ADIPOR2: variants seen among roughly 807,000 people sequenced by gnomAD.
The protein encoded by ADIPOR2 is adiponectin receptor 2.
In ADIPOR2, 18 loss-of-function variants were observed where a neutral mutation model predicts 40.9. The ratio of observed to expected loss-of-function variants is 0.44; its 90% CI spans 0.30 to 0.65. The LOEUF (loss-of-function observed/expected upper bound fraction) is 0.65, where lower values mean the gene tolerates loss of function less well. Ranked by LOEUF, ADIPOR2 falls within the 30% of genes least tolerant of loss-of-function variation. The probability of loss-of-function intolerance (pLI) is 0.09; values close to 1 mark genes in which losing one functional copy is unlikely to be tolerated. For missense variants in ADIPOR2, 283 were observed against 479.2 expected, an observed-to-expected ratio of 0.59 and a Z score of 3.82; for synonymous variants, 165 against 166.4, an observed-to-expected ratio of 0.99 and a Z score of 0.06.
chr12:1,695,484 C>CA (rs2094636570), intron 1 of ADIPOR2, among the ~76,000 whole-genome samples: 1 of 151,248 alleles, frequency 6.6e-6, no homozygotes, highest in Admixed American at 6.6e-5. Context: ...ATGAAACCCC[C>CA]TCTCTACCAA....
At chr12:1,730,548 C>T (rs191733969) in intron 1 of ADIPOR2, among the ~76,000 whole-genome samples, 85 of 143,746 alleles carry the variant, frequency 5.9e-4, no homozygotes, top group Middle Eastern at 3.6e-3. Flanking sequence ...ACCCAGGAGG[C>T]GGAGCTTGCA....
rs1015442886 is a variant in ADIPOR2 at position 1,764,439 on chromosome 12, G to GT, written c.172-8399dup. Among the ~76,000 whole-genome samples, 12 of 152,008 alleles carry GT rather than the reference G, an allele frequency of 7.9e-5. 1 individual carries two copies. Among genetic ancestry groups the GT allele is most frequent in the African/African-American group, 2.7e-4 (11 of 41,378 alleles). ...AGTTTGGTAAAAGGAAAAAAGCAGG[G>GT]TTTTGTACTCAGAGTGACCTAAATT... On this transcript the variant is annotated intron_variant, in intron 2 of 7. Transcript: ENST00000357103.
At chr12:1,736,563 C>G (rs562918672) in intron 1 of ADIPOR2, among the ~76,000 whole-genome samples, 59 of 152,328 alleles carry the variant, frequency 3.9e-4, no homozygotes, top group African/African-American at 1.4e-3. Context: ...AGAAAACCAG[C>G]TCCTGGATTC....
intron 1 of ADIPOR2, among the ~76,000 whole-genome samples, chr12:1,741,943 T>C (rs2094743679): frequency 6.6e-6 from 1 of 151,946 alleles, no homozygotes; most frequent in Non-Finnish European, 1.5e-5. Flanking sequence ...TTCTTGAAAA[T>C]TTGAACTATA....
chr12:1,754,368 T>C lies in ADIPOR2; in HGVS notation c.25T>C (p.Leu9=), dbSNP rs759506029. The part of the protein sequence containing the change: MNEPTENR[L]GCSRTPEPDI... ...CATGAACGAGCCAACAGAAAACCGA[T>C]TGGGGTGCAGCAGGACTCCAGAGCC... The change falls in exon 2 of 8, where the codon TTG becomes CTG. Residue 9 remains leucine (L), a synonymous_variant. Coordinates refer to ENST00000357103, the MANE Select transcript of ADIPOR2 (RefSeq NM_024551.3). 43 of 1,608,724 alleles carry C rather than the reference T, an allele frequency of 2.7e-5. No individual in the cohort carries two copies. The highest frequency in any genetic ancestry group is 1.2e-4 in the South Asian group (11 of 89,906).
chr12:1,748,005 T>A (rs982588251), intron 1 of ADIPOR2, among the ~76,000 whole-genome samples: 20 of 152,264 alleles, frequency 1.3e-4, no homozygotes, highest in African/African-American at 4.8e-4. Context: ...TCTTTGAATT[T>A]TTTTTCCCCT....
At chr12:1,754,129 T>C (rs749311408) in intron 1 of ADIPOR2, 129 bp from the exon 2 acceptor site, 12 of 402,036 alleles carry the variant, frequency 3.0e-5, no homozygotes, top group South Asian at 1.1e-4. Flanking sequence ...TCAACAAATA[T>C]AGCTTTTAAG....
At chr12:1,754,730 T>TACTACA (rs1862083446) in intron 2 of ADIPOR2, among the ~76,000 whole-genome samples, 1 of 142,482 alleles carries the variant, frequency 7.0e-6, no homozygotes, top group African/African-American at 2.5e-5. Context: ...CTACTACTAC[T>TACTACA]ACTACTACTA....
At chr12:1,777,757 A>G (rs1469729673) in intron 3 of ADIPOR2, 97 bp from the exon 4 acceptor site, 9 of 1,164,466 alleles carry the variant, frequency 7.7e-6, no homozygotes, top group African/African-American at 1.6e-5. Context: ...TGTTTTTCCC[A>G]TTATAAAACA....
chr12:1,769,963 G>T (rs1272737923), intron 2 of ADIPOR2, among the ~76,000 whole-genome samples: 3 of 151,598 alleles, frequency 2.0e-5, no homozygotes, highest in Non-Finnish European at 4.4e-5. Context: ...TGTTGCCCAG[G>T]CTGGAATGCA....
chr12:1,764,620 A>G (rs1862337553), intron 2 of ADIPOR2, among the ~76,000 whole-genome samples: 1 of 151,456 alleles, frequency 6.6e-6, no homozygotes, highest in African/African-American at 2.4e-5. Flanking sequence ...ATAGTCTGAT[A>G]AACTTTTATA....
At chr12:1,700,373 G>A (rs1272588064) in intron 1 of ADIPOR2, among the ~76,000 whole-genome samples, 1 of 152,182 alleles carries the variant, frequency 6.6e-6, no homozygotes, top group African/African-American at 2.4e-5. Context: ...TTTGGTTAAG[G>A]AGGATGTCTT....
chr12:1,694,555 G>A (rs2094634070), intron 1 of ADIPOR2, among the ~76,000 whole-genome samples: 1 of 152,112 alleles, frequency 6.6e-6, no homozygotes, highest in Non-Finnish European at 1.5e-5. Context: ...AAAAAAGTCT[G>A]CATGTTTCAA....
chr12:1,737,918 C>T (rs1239854936), intron 1 of ADIPOR2, among the ~76,000 whole-genome samples: 1 of 152,070 alleles, frequency 6.6e-6, no homozygotes, highest in Non-Finnish European at 1.5e-5. Context: ...AGATTTTGTC[C>T]ATTACTTATT....
At chr12:1,728,596 C>T (rs1416000769) in intron 1 of ADIPOR2, among the ~76,000 whole-genome samples, 2 of 151,628 alleles carry the variant, frequency 1.3e-5, no homozygotes, top group Admixed American at 6.6e-5. Flanking sequence ...TGGTGGTGGG[C>T]GCCTGTAATC....
At chr12:1,692,526 G>A (rs1039128575) in intron 1 of ADIPOR2, among the ~76,000 whole-genome samples, 2 of 152,138 alleles carry the variant, frequency 1.3e-5, no homozygotes, top group Non-Finnish European at 2.9e-5. Flanking sequence ...ACTTCTGATT[G>A]TAACTGTCTG....
At chr12:1,766,296 ATT>A (rs1862378996) in intron 2 of ADIPOR2, among the ~76,000 whole-genome samples, 1 of 152,184 alleles carries the variant, frequency 6.6e-6, no homozygotes, top group South Asian at 2.1e-4. Context: ...GCTAATGTTT[ATT>A]GAGTACACAC....
intron 4 of ADIPOR2, 42 bp from the exon 5 acceptor site, chr12:1,780,409 A>G (rs1862690657): frequency 2.0e-6 from 3 of 1,524,450 alleles, no homozygotes; most frequent in South Asian, 2.6e-5. Context: ...TGTCTCTTCT[A>G]AAGGGTGATA....
At chr12:1,757,391 T>G (rs1332907038) in intron 2 of ADIPOR2, 1 of 721,688 alleles carries the variant, frequency 1.4e-6, no homozygotes, top group Non-Finnish European at 2.5e-6. Flanking sequence ...CATTGGCATC[T>G]TTCATGTGAA....
Sources: allele counts gnomAD v4.1 joint callset (sites outside exome capture counted in the v4.1 genomes callset), GRCh38; gene constraint gnomAD v4.1.1; transcripts MANE v1.5; gene names NCBI Gene and HGNC (gene_info 2026-07-23, HGNC 2026-07-21).